FAM228B: variants seen among roughly 807,000 people sequenced by gnomAD.
FAM228B encodes protein FAM228B.
A neutral mutation model predicts 42.6 loss-of-function variants in FAM228B; 38 were observed. The ratio of observed to expected loss-of-function variants is 0.89; its 90% CI spans 0.69 to 1.17. FAM228B has a LOEUF of 1.17. FAM228B is among the 50% of genes most tolerant of loss of function. The pLI, the probability that FAM228B is intolerant of heterozygous loss-of-function variation, is 0.00. For missense variants in FAM228B, 344 were observed against 367.3 expected (o/e 0.94, Z 0.52); for synonymous variants, 109 against 122.3 (o/e 0.89, Z 0.72).
intron 5 of FAM228B, chr2:24,142,849 T>C (rs1666789009): frequency 6.6e-6 from 1 of 152,264 alleles, no homozygotes; most frequent in Non-Finnish European, 1.5e-5. Flanking sequence ...ATGAAATTGG[T>C]ACTGATATTA....
chr2:24,142,490 A>G (rs983899107), intron 5 of FAM228B: 2 of 152,212 alleles, frequency 1.3e-5, no homozygotes, highest in Non-Finnish European at 2.9e-5. Context: ...CACATCTTTT[A>G]GATGTTCTTT....
intron 9 of FAM228B, among the ~76,000 whole-genome samples, chr2:24,166,223 CTCCAGTTCTCTTG>C (rs1667408654): frequency 6.6e-6 from 1 of 151,704 alleles, no homozygotes; most frequent in African/African-American, 2.4e-5. Context: ...GAGCTTCTCC[CTCCAGTTCTCTTG>C]TCCAGAGTCA....
intron 2 of FAM228B, among the ~76,000 whole-genome samples, chr2:24,134,686 C>T (rs941815001): frequency 4.6e-5 from 7 of 152,228 alleles, no homozygotes; most frequent in Non-Finnish European, 1.0e-4. Flanking sequence ...CACAGTGGCT[C>T]AGGCCTGTAA....
rs532615511 is a variant in FAM228B, at chr2:24,139,439, A to C, written c.430A>C (p.Asn144His). 1.1e-5 allele frequency: 17 copies of C among 1,544,242 alleles called. No individual in the cohort carries two copies. Among genetic ancestry groups the C allele is most frequent in the Non-Finnish European group, 1.5e-5 (17 of 1,141,116 alleles). Residue 144 changes from asparagine to histidine, a missense_variant, in exon 5 of 11, where the codon AAT (asparagine) becomes CAT (histidine). By Grantham distance (68) the Asn-to-His change is moderately conservative. Coordinates refer to ENST00000615575, the MANE Select transcript of FAM228B (RefSeq NM_001145710.2). Reference sequence around the variant, plus strand: ...CTTTTATATGAGCAAGAAGGACCCCAATTTTCTGAAGGTAGGGTAGATTTC... The same window carrying C: ...CTTTTATATGAGCAAGAAGGACCCCCATTTTCTGAAGGTAGGGTAGATTTC... Reference protein sequence around the residue: ...DPFYMSKKDPNFLKVTIPPFH... With the variant: ...DPFYMSKKDPHFLKVTIPPFH...
intron 7 of FAM228B, among the ~76,000 whole-genome samples, chr2:24,159,136 TA>T (rs1181355147): frequency 6.6e-6 from 1 of 152,248 alleles, no homozygotes; most frequent in Non-Finnish European, 1.5e-5. Flanking sequence ...TCCAACACCC[TA>T]ATCTACTGTT....
At chr2:24,149,531 C>T (rs916884872) in intron 7 of FAM228B, among the ~76,000 whole-genome samples, 2 of 152,110 alleles carry the variant, frequency 1.3e-5, no homozygotes, top group African/African-American at 4.8e-5. Flanking sequence ...CTCCCAGGTT[C>T]AAGCAATTCT....
At chr2:24,163,421 G>A (rs1225098077) in intron 8 of FAM228B, among the ~76,000 whole-genome samples, 1 of 152,142 alleles carries the variant, frequency 6.6e-6, no homozygotes, top group Non-Finnish European at 1.5e-5. Flanking sequence ...ACCATTTGCT[G>A]GGTTGTTTCT....
chr2:24,118,098 G>A (rs920193869), intron 3 of FAM228B, among the ~76,000 whole-genome samples: 1 of 152,218 alleles, frequency 6.6e-6, no homozygotes, highest in African/African-American at 2.4e-5. Flanking sequence ...CTCCTCTGGG[G>A]AATTAGCCCT....
intron 1 of FAM228B, chr2:24,079,529 C>T: frequency 1.2e-6 from 2 of 1,614,134 alleles, no homozygotes; most frequent in Non-Finnish European, 1.7e-6. Flanking sequence ...ATTGATGTCA[C>T]CTCCTCCCAT....
intron 1 of FAM228B, 157 bp from the exon 2 acceptor site, chr2:24,124,173 G>A (rs1374562046): frequency 5.5e-5 from 26 of 476,726 alleles, no homozygotes; most frequent in Non-Finnish European, 9.3e-5. Context: ...CTCTGAAGCC[G>A]TCATCTGGAG....
chr2:24,088,512 G>A (rs1327006544), intron 2 of FAM228B, among the ~76,000 whole-genome samples: 4 of 151,990 alleles, frequency 2.6e-5, no homozygotes, highest in Middle Eastern at 3.4e-3. Context: ...CACCAAGCCC[G>A]GCTAATTTTT....
At chr2:24,123,792 G>A (rs867940370) in intron 1 of FAM228B, among the ~76,000 whole-genome samples, 1 of 151,988 alleles carries the variant, frequency 6.6e-6, no homozygotes, top group African/African-American at 2.4e-5. Flanking sequence ...CGGCCTAGTG[G>A]GTGGGAGGAA....
At chr2:24,125,649 C>T (rs1006937646) in intron 2 of FAM228B, among the ~76,000 whole-genome samples, 3 of 152,092 alleles carry the variant, frequency 2.0e-5, no homozygotes, top group African/African-American at 7.2e-5. Flanking sequence ...CAACCTCTAC[C>T]TCCCGGGTTC....
At chr2:24,083,308 C>T (rs1665100054) in intron 2 of FAM228B, among the ~76,000 whole-genome samples, 1 of 152,018 alleles carries the variant, frequency 6.6e-6, no homozygotes, top group Admixed American at 6.6e-5. Context: ...AAAGGAGAGG[C>T]CATTAGTTTT....
intron 9 of FAM228B, among the ~76,000 whole-genome samples, chr2:24,167,203 C>G (rs1274629868): frequency 6.6e-6 from 1 of 152,228 alleles, no homozygotes; most frequent in South Asian, 2.1e-4. Context: ...AGCGAGGGCT[C>G]CAGGCTCCAG....
upstream of FAM228B, among the ~76,000 whole-genome samples, chr2:24,121,659 CCTAA>C (rs891355537): frequency 2.0e-5 from 3 of 151,934 alleles, no homozygotes; most frequent in Non-Finnish European, 4.4e-5. Context: ...TTCGGTGGGG[CCTAA>C]TGGGAGGTAT....
chr2:24,124,707 A>C (rs1039145069), intron 2 of FAM228B, among the ~76,000 whole-genome samples: 2 of 152,148 alleles, frequency 1.3e-5, no homozygotes, highest in Non-Finnish European at 2.9e-5. Flanking sequence ...CTCTTGAGGT[A>C]CTGCCTTAGC....
chr2:24,137,879 A>T (rs1047539957), intron 3 of FAM228B, 30 bp from the exon 4 acceptor site: 1 of 1,449,976 alleles, frequency 6.9e-7, no homozygotes, highest in African/African-American at 1.4e-5. Flanking sequence ...TTAGGATAAT[A>T]TATTTGTCTT....
At chr2:24,159,250 C>T (rs775480513) in intron 7 of FAM228B, among the ~76,000 whole-genome samples, 33 of 152,250 alleles carry the variant, frequency 2.2e-4, no homozygotes, top group African/African-American at 7.5e-4. Flanking sequence ...TTTGGGTGCA[C>T]GTAATTCATC....
Sources: gnomAD v4.1 joint callset for allele counts (sites outside exome capture counted in the v4.1 genomes callset) on GRCh38, gnomAD v4.1.1 for gene constraint, MANE v1.5 for transcripts, NCBI Gene and HGNC (gene_info 2026-07-23, HGNC 2026-07-21) for gene names.